The following ZDHHC15 variants were observed in gnomAD, a reference collection of about 807,000 sequenced individuals.
The protein encoded by ZDHHC15 is zDHHC palmitoyltransferase 15.
A neutral mutation model predicts 31.7 loss-of-function variants in ZDHHC15; 19 were observed. The observed-to-expected ratio is 0.60, with a 90% CI of 0.42 to 0.88. The LOEUF (loss-of-function observed/expected upper bound fraction) is 0.88, where lower values mean the gene tolerates loss of function less well. ZDHHC15 is among the 40% of genes least tolerant of loss of function. The pLI is 0.00. For missense variants in ZDHHC15, 209 were observed against 251.2 expected, an observed-to-expected ratio of 0.83 and a Z score of 1.14; for synonymous variants, 103 against 90.0, an observed-to-expected ratio of 1.14 and a Z score of -0.82.
chrX:75,385,543 T>G (rs898253262), intron 10 of ZDHHC15, among the ~76,000 whole-genome samples: 22 of 111,908 alleles, frequency 2.0e-4, no homozygotes, highest in African/African-American at 7.2e-4. Flanking sequence ...AACCCTGTTT[T>G]GAAAGAGGTG....
At chrX:75,398,087 C>T (rs1050374774) in intron 10 of ZDHHC15, among the ~76,000 whole-genome samples, 10 of 112,006 alleles carry the variant, frequency 8.9e-5, no homozygotes, top group African/African-American at 3.2e-4. Flanking sequence ...GGGGGCTGAG[C>T]AGTAACAGCC....
intron 10 of ZDHHC15, among the ~76,000 whole-genome samples, chrX:75,409,655 C>T (rs1321882207): frequency 1.1e-4 from 12 of 106,032 alleles, no homozygotes; most frequent in South Asian, 4.3e-4. Flanking sequence ...ATTAGCTGGG[C>T]GTGGTGGCAG....
At chrX:75,471,507 C>T (rs1243860282) in intron 3 of ZDHHC15, among the ~76,000 whole-genome samples, 2 of 111,873 alleles carry the variant, frequency 1.8e-5, no homozygotes, top group African/African-American at 3.3e-5. Context: ...GGTGTGAGGC[C>T]GTCAAAATAT....
chrX:75,450,539 T>C (rs955699351), intron 4 of ZDHHC15: 2 of 152,617 alleles, frequency 1.3e-5, no homozygotes, highest in African/African-American at 6.3e-5. Flanking sequence ...GAGGTATGCA[T>C]ATGTGGATAG....
chrX:75,424,560 A>G (rs2083688981), intron 8 of ZDHHC15, 92 bp downstream of exon 8: 1 of 955,941 alleles, frequency 1.0e-6, no homozygotes, highest in Non-Finnish European at 1.4e-6. Context: ...TGCAGCTAAA[A>G]TGCTTCACTG....
intron 10 of ZDHHC15, among the ~76,000 whole-genome samples, chrX:75,391,142 G>A (rs755785640): frequency 1.8e-5 from 2 of 111,882 alleles, no homozygotes; most frequent in Non-Finnish European, 3.8e-5. Flanking sequence ...GAATTAGTGA[G>A]CTTGAGGACA....
chrX:75,449,200 A>C (rs1377690695), intron 4 of ZDHHC15, among the ~76,000 whole-genome samples: 27 of 6,775 alleles, frequency 4.0e-3, no homozygotes, highest in African/African-American at 4.6e-3. Context: ...CTCTCTCTCT[A>C]TACACACACA....
At chrX:75,436,535 C>T (rs1395776277) in intron 4 of ZDHHC15, among the ~76,000 whole-genome samples, 4 of 111,757 alleles carry the variant, frequency 3.6e-5, no homozygotes, top group Admixed American at 2.9e-4. Context: ...GGTTGTGTTA[C>T]TATTATCATT....
At chrX:75,438,516 C>CT (rs2083894359) in intron 4 of ZDHHC15, among the ~76,000 whole-genome samples, 1 of 110,619 alleles carries the variant, frequency 9.0e-6, no homozygotes, top group Non-Finnish European at 1.9e-5. Flanking sequence ...CATTGAATAC[C>CT]TTTTTTCACT....
chrX:75,514,690 A>C lies in ZDHHC15; in HGVS notation c.136+8199T>G, dbSNP rs139345629. On this transcript the variant is annotated intron_variant, in intron 1 of 11. Coordinates refer to ENST00000373367, the MANE Select transcript of ZDHHC15 (RefSeq NM_144969.3). ...GGAAAATCGGGACACTCCCGCCCTA[A>C]TACTGTGCTTTTCCAATGGTCTTAG... Among the ~76,000 whole-genome samples, 521 of 111,516 alleles carry C rather than the reference A, an allele frequency of 4.7e-3. 1 individual carries two copies. Among genetic ancestry groups the C allele is most frequent in the African/African-American group, 0.016 (489 of 30,700 alleles).
rs368359593 is a variant in ZDHHC15 at position 75,505,893 on chromosome X, G to T, written c.137-46C>A. ...GAGAGACAGACAGACAGACAGAGATGGATGAGAGAGAGAGAGAGAGAAATT... is the reference window on the plus strand; with the variant it reads ...GAGAGACAGACAGACAGACAGAGATTGATGAGAGAGAGAGAGAGAGAAATT... On this transcript the variant is annotated intron_variant, in intron 1 of 11. Coordinates refer to ENST00000373367, the MANE Select transcript of ZDHHC15 (RefSeq NM_144969.3). 2.2e-5 allele frequency: 23 copies of T among 1,042,020 alleles called. No homozygotes were observed. The African/African-American group carries it at 4.3e-4, about 19-fold the overall frequency. The allele number at this position is 1,042,020 out of a possible 1,213,427, so 85.9% of individuals were successfully genotyped here.
chrX:75,412,446 T>C (rs1219592136), intron 10 of ZDHHC15, among the ~76,000 whole-genome samples: 3 of 110,747 alleles, frequency 2.7e-5, no homozygotes, highest in Non-Finnish European at 5.7e-5. Context: ...CTTTTTTTTT[T>C]TTGACACGGA....
intron 2 of ZDHHC15, among the ~76,000 whole-genome samples, chrX:75,489,816 C>T (rs986021507): frequency 8.1e-5 from 9 of 111,577 alleles, no homozygotes; most frequent in African/African-American, 2.0e-4. Context: ...AAGTTCGAAC[C>T]CATGGCAAAG....
chrX:75,384,925 C>A, intron 10 of ZDHHC15: 1 of 451,030 alleles, frequency 2.2e-6, no homozygotes, highest in Non-Finnish European at 3.9e-6. Context: ...TTGGCACTAT[C>A]TACTATCGCC....
intron 3 of ZDHHC15, among the ~76,000 whole-genome samples, chrX:75,466,313 G>T (rs1377965535): frequency 1.8e-5 from 2 of 112,076 alleles, no homozygotes; most frequent in Non-Finnish European, 3.8e-5. Flanking sequence ...CAAGGTTGCA[G>T]ATAAAAGAAT....
At chrX:75,490,048 A>G (rs2084852054) in intron 2 of ZDHHC15, among the ~76,000 whole-genome samples, 4 of 111,758 alleles carry the variant, frequency 3.6e-5, no homozygotes, top group Admixed American at 2.9e-4. Context: ...GAAAAAAAGA[A>G]TAAAAGAAAC....
Position 75,518,800 on chromosome X carries a change from TATATATACAC to T in ZDHHC15, c.136+4079_136+4088del, listed in dbSNP as rs1432925298. ...ATATATATATATATATATATATATATATATATACACACACACACACACACACACACACACA... is the reference window on the plus strand; with the variant it reads ...ATATATATATATATATATATATATATACACACACACACACACACACACACA... On this transcript the variant is annotated intron_variant, in intron 1 of 11. Coordinates refer to ENST00000373367, the MANE Select transcript of ZDHHC15 (RefSeq NM_144969.3). Among the ~76,000 whole-genome samples, 129 of 25,929 alleles carry T rather than the reference TATATATACAC, an allele frequency of 5.0e-3. 2 individuals are homozygous for T. Among genetic ancestry groups the T allele is most frequent in the African/African-American group, 0.014 (118 of 8,735 alleles). The allele number at this position is 25,929 out of a possible 115,157, so 22.5% of individuals were successfully genotyped here.
chrX:75,508,178 G>C, intron 1 of ZDHHC15, among the ~76,000 whole-genome samples: 1 of 109,439 alleles, frequency 9.1e-6, no homozygotes, highest in East Asian at 2.9e-4. Context: ...TAAGTTCTAG[G>C]GTACATGTGC....
At chrX:75,458,202 T>A (rs1441919509) in intron 3 of ZDHHC15, among the ~76,000 whole-genome samples, 1 of 111,607 alleles carries the variant, frequency 9.0e-6, no homozygotes, top group Non-Finnish European at 1.9e-5. Flanking sequence ...CTGTGTTGAG[T>A]GAAAGGTACA....
Sources: allele counts gnomAD v4.1 joint callset (sites outside exome capture counted in the v4.1 genomes callset), GRCh38; gene constraint gnomAD v4.1.1; transcripts MANE v1.5; gene names NCBI Gene and HGNC (gene_info 2026-07-23, HGNC 2026-07-21).